The following RCHY1 variants were observed in gnomAD, a reference collection of about 807,000 sequenced individuals.
RCHY1 encodes ring finger and CHY zinc finger domain containing 1.
In RCHY1, 21 loss-of-function variants were observed where a neutral mutation model predicts 41.6. The ratio of observed to expected loss-of-function variants is 0.51; its 90% CI spans 0.36 to 0.73. The LOEUF is 0.73. RCHY1 is among the 30% of genes least tolerant of loss of function. RCHY1 has a pLI of 0.00. For missense variants in RCHY1, 265 were observed against 325.3 expected (o/e 0.81, Z 1.43); for synonymous variants, 79 against 102.9 (o/e 0.77, Z 1.41).
chr4:75,496,372 G>A (rs1553918922), intron 3 of RCHY1, among the ~76,000 whole-genome samples: 1 of 152,028 alleles, frequency 6.6e-6, no homozygotes, highest in Non-Finnish European at 1.5e-5. Flanking sequence ...ATGATGAGCT[G>A]AGACAGTCTA....
intron 8 of RCHY1, among the ~76,000 whole-genome samples, chr4:75,490,126 T>C (rs1198918900): frequency 6.6e-6 from 1 of 151,974 alleles, no homozygotes. Context: ...CTGTGTGCAC[T>C]CCATAAAAAT....
intron 1 of RCHY1, among the ~76,000 whole-genome samples, chr4:75,512,902 A>AGG (rs33923711): frequency 3.9e-4 from 38 of 96,588 alleles, no homozygotes; most frequent in East Asian, 1.3e-3. Context: ...CTGGTATTTA[A>AGG]GGGGGGGGGG....
intron 3 of RCHY1, among the ~76,000 whole-genome samples, chr4:75,497,103 G>A (rs781297110): frequency 7.2e-5 from 11 of 152,000 alleles, no homozygotes; most frequent in Non-Finnish European, 1.5e-4. Flanking sequence ...CTAACAAAAA[G>A]GTTAGTCAAC....
At chr4:75,508,258 A>T (rs1724523589) in intron 3 of RCHY1, among the ~76,000 whole-genome samples, 1 of 152,142 alleles carries the variant, frequency 6.6e-6, no homozygotes, top group Non-Finnish European at 1.5e-5. Context: ...ACTGTACTGT[A>T]CTTTAGACAC....
At chr4:75,496,715 CTAA>C (rs1723242803) in intron 3 of RCHY1, among the ~76,000 whole-genome samples, 1 of 152,056 alleles carries the variant, frequency 6.6e-6, no homozygotes, top group African/African-American at 2.4e-5. Flanking sequence ...CCCAGAAAGT[CTAA>C]ACTGTTTCCA....
upstream of RCHY1, chr4:75,514,416 C>T: frequency 2.8e-6 from 3 of 1,068,848 alleles, no homozygotes; most frequent in Non-Finnish European, 3.9e-6. Context: ...CTCCTAAGCA[C>T]GTGACCCGGG....
chr4:75,514,495 G>A, upstream of RCHY1: 1 of 532,176 alleles, frequency 1.9e-6, no homozygotes, highest in South Asian at 2.8e-5. Flanking sequence ...CGTCGTTGAC[G>A]TTAGTCGCAG....
rs1277521695 is a variant in RCHY1 at position 75,487,485 on chromosome 4, C to CATATATATTCATAAT, written c.657+3081_657+3095dup. Among the ~76,000 whole-genome samples, 650 of 89,232 alleles carry CATATATATTCATAAT rather than the reference C, an allele frequency of 7.3e-3. 29 individuals carry two copies. Among genetic ancestry groups the CATATATATTCATAAT allele is most frequent in the Non-Finnish European group, 9.4e-3 (397 of 42,378 alleles). 58.5% of individuals were successfully genotyped at this position (89,232 alleles called of 152,430 possible). ...TATATATATTCACAATATATATAGTCATATATATTCATAATATATATATTC... is the reference window on the plus strand; with the variant it reads ...TATATATATTCACAATATATATAGTCATATATATTCATAATATATATATTCATAATATATATATTC... On this transcript the variant is annotated intron_variant, in intron 8 of 8. Transcript: ENST00000324439.
chr4:75,483,332 T>C (rs1216940486), intron 8 of RCHY1, among the ~76,000 whole-genome samples: 1 of 152,202 alleles, frequency 6.6e-6, no homozygotes, highest in Non-Finnish European at 1.5e-5. Context: ...AGTCACACTA[T>C]AATAAGCAGA....
intron 8 of RCHY1, among the ~76,000 whole-genome samples, chr4:75,486,931 A>G: frequency 6.6e-6 from 1 of 152,096 alleles, no homozygotes; most frequent in East Asian, 1.9e-4. Context: ...GTGAGCCAAG[A>G]TTGCTCCACT....
chr4:75,486,561 G>T (rs1020550639), intron 8 of RCHY1, among the ~76,000 whole-genome samples: 20 of 151,516 alleles, frequency 1.3e-4, no homozygotes, highest in African/African-American at 4.8e-4. Context: ...TACTTCCTAG[G>T]GTTTTCACTG....
At chr4:75,500,740 T>C (rs1380249762) in intron 3 of RCHY1, among the ~76,000 whole-genome samples, 1 of 152,156 alleles carries the variant, frequency 6.6e-6, no homozygotes, top group East Asian at 1.9e-4. Flanking sequence ...CTGTTCATCC[T>C]TGCCTTATAG....
Position 75,482,620 on chromosome 4 carries a change from A to G in RCHY1, c.704T>C (p.Ile235Thr), listed in dbSNP as rs1721609295. Residue 235 changes from isoleucine (I) to threonine (T), a missense_variant, in exon 9 of 9, where the codon ATA becomes ACA. By Grantham distance (89) the Ile-to-Thr change is moderately conservative (BLOSUM62 -1). Transcript: ENST00000324439. ...ACAAATCTTACATTTCATGCCTAAT[A>G]TATGAAACTGAACAGTGGATCGTCC... The part of the protein sequence containing the change: ...CNGRSTVQFH[I>T]LGMKCKICES... 1 of 1,610,980 alleles carries G rather than the reference A, an allele frequency of 6.2e-7. No homozygotes were observed. The highest frequency in any genetic ancestry group is 8.5e-7 in the Non-Finnish European group (1 of 1,177,552).
At chr4:75,494,311 C>T in intron 3 of RCHY1, 132 bp from the exon 4 acceptor site, 1 of 644,200 alleles carries the variant, frequency 1.6e-6, no homozygotes. Context: ...GGGATAAATC[C>T]CTATCTCCCC....
intron 3 of RCHY1, among the ~76,000 whole-genome samples, chr4:75,506,716 AG>A (rs1724353497): frequency 6.6e-6 from 1 of 152,014 alleles, no homozygotes; most frequent in African/African-American, 2.4e-5. Context: ...AAAACGGTAC[AG>A]AAACATTATC....
At position 75,503,675 on chromosome 4, in the gene RCHY1, G is replaced by C. The variant is rs1578231825; in HGVS notation, c.326+5145C>G. Among the ~76,000 whole-genome samples the C allele has an allele frequency of 2.6e-5, 4 of 151,916 alleles. No individual in the cohort carries two copies. The East Asian group carries it at 7.7e-4, about 29-fold the overall frequency. On this transcript the variant is annotated intron_variant, in intron 3 of 8. Transcript: ENST00000324439. ...CCACTGCACTCCAGCCTGGGTGACAGAGTGGGACTCCATCTCAAAAAAAAA... is the reference window on the plus strand; with the variant it reads ...CCACTGCACTCCAGCCTGGGTGACACAGTGGGACTCCATCTCAAAAAAAAA...
intron 4 of RCHY1, among the ~76,000 whole-genome samples, chr4:75,492,138 G>A (rs1722809109): frequency 6.6e-6 from 1 of 151,796 alleles, no homozygotes; most frequent in African/African-American, 2.4e-5. Context: ...CTGATACAAT[G>A]AAAATGTCAA....
chr4:75,513,998 G>A (rs1020933836), intron 1 of RCHY1, 199 bp downstream of exon 1: 4 of 710,784 alleles, frequency 5.6e-6, no homozygotes, highest in East Asian at 5.8e-5. Flanking sequence ...TTGCTTTAAA[G>A]GTACGAAGCA....
At chr4:75,490,756 A>G (rs1043006501) in intron 7 of RCHY1, 55 bp from the exon 8 acceptor site, 7 of 1,420,292 alleles carry the variant, frequency 4.9e-6, no homozygotes, top group Non-Finnish European at 4.9e-6. Context: ...ATATTAATTC[A>G]GGTATACAAG....
Sources: gnomAD v4.1 joint callset for allele counts (sites outside exome capture counted in the v4.1 genomes callset) on GRCh38, gnomAD v4.1.1 for gene constraint, MANE v1.5 for transcripts, NCBI Gene and HGNC (gene_info 2026-07-23, HGNC 2026-07-21) for gene names.